CASK: variants seen among roughly 807,000 people sequenced by gnomAD.
CASK encodes peripheral plasma membrane protein CASK.
In CASK, 4 loss-of-function variants were observed where a neutral mutation model predicts 82.9. The ratio of observed to expected loss-of-function variants is 0.05; its 90% CI spans 0.02 to 0.11. CASK has a LOEUF of 0.11. CASK is among the 10% of genes least tolerant of loss of function. CASK has a pLI of 1.00. For synonymous variants in CASK, 259 were observed against 253.5 expected (o/e 1.02, Z -0.20); for missense variants, 358 against 720.9 (o/e 0.50, Z 5.76).
intron 1 of CASK, among the ~76,000 whole-genome samples, chrX:41,874,781 G>T (rs887013223): frequency 8.9e-6 from 1 of 112,319 alleles, no homozygotes; most frequent in African/African-American, 3.2e-5. Flanking sequence ...TTTTGAAAGT[G>T]ATCACTCAGC....
At chrX:41,626,496 C>T (rs1044536962) in intron 10 of CASK, 108 bp downstream of exon 10, 8 of 542,194 alleles carry the variant, frequency 1.5e-5, no homozygotes, top group Non-Finnish European at 2.6e-5. Flanking sequence ...CCTTAGAATC[C>T]GTTGGAGGAT....
intron 2 of CASK, among the ~76,000 whole-genome samples, chrX:41,801,801 C>T (rs2070003486): frequency 9.0e-6 from 1 of 111,385 alleles, no homozygotes; most frequent in Non-Finnish European, 1.9e-5. Flanking sequence ...AACTGAAGTG[C>T]TGTACTCAAA....
chrX:41,567,642 G>A (rs2065339713), intron 16 of CASK, among the ~76,000 whole-genome samples: 1 of 111,795 alleles, frequency 8.9e-6, no homozygotes, highest in South Asian at 3.8e-4. Flanking sequence ...CTGTTGGTGG[G>A]ACTGTAAACT....
chrX:41,649,445 G>A lies in CASK; in HGVS notation c.831+10994C>T, dbSNP rs1001386118. 2.7e-5 allele frequency among the ~76,000 whole-genome samples: 3 copies of A among 111,783 alleles called. No individual in the cohort carries two copies. In the Admixed American group the frequency reaches 2.9e-4, roughly 11 times the overall value. On this transcript the variant is annotated intron_variant, in intron 8 of 26. Coordinates refer to ENST00000378163, the MANE Select transcript of CASK (RefSeq NM_001367721.1). ...CTTTAAATGTGTCCCAGAGATTCTA[G>A]TATGTTGTGTCTTTGTTCTCATTGG...
chrX:41,798,801 C>T (rs750775885), intron 2 of CASK, among the ~76,000 whole-genome samples: 6 of 109,865 alleles, frequency 5.5e-5, no homozygotes, highest in Non-Finnish European at 1.1e-4. Flanking sequence ...TGCCACTGCA[C>T]TCCAGCCTAG....
At chrX:41,814,628 T>C (rs1357183022) in intron 2 of CASK, among the ~76,000 whole-genome samples, 1 of 106,187 alleles carries the variant, frequency 9.4e-6, no homozygotes, top group South Asian at 4.4e-4. Context: ...CATTAGGAGA[T>C]ATACCTAATG....
At chrX:41,922,419 A>G (rs1405485419) in intron 1 of CASK, among the ~76,000 whole-genome samples, 1 of 111,553 alleles carries the variant, frequency 9.0e-6, no homozygotes, top group Non-Finnish European at 1.9e-5. Context: ...GAATTTGCTG[A>G]AACTGAAAGC....
intron 1 of CASK, among the ~76,000 whole-genome samples, chrX:41,876,280 C>T (rs755415853): frequency 9.0e-6 from 1 of 111,229 alleles, no homozygotes; most frequent in Non-Finnish European, 1.9e-5. Flanking sequence ...ATATTTATCC[C>T]CATTTTACAG....
At chrX:41,650,307 G>A (rs1260590606) in intron 8 of CASK, among the ~76,000 whole-genome samples, 2 of 111,316 alleles carry the variant, frequency 1.8e-5, no homozygotes, top group African/African-American at 3.3e-5. Context: ...GATGTTAGCT[G>A]GTTATTTTGC....
At chrX:41,634,898 T>C (rs1466900161) in intron 9 of CASK, among the ~76,000 whole-genome samples, 1 of 112,500 alleles carries the variant, frequency 8.9e-6, no homozygotes, top group Non-Finnish European at 1.9e-5. Flanking sequence ...TTATCATTAA[T>C]AATTATTTTG....
At chrX:41,676,382 T>C in intron 5 of CASK, 14 of 1,199,335 alleles carry the variant, frequency 1.2e-5, no homozygotes, top group Non-Finnish European at 1.6e-5. Flanking sequence ...CCTCTCCTCA[T>C]TGGATAATTC....
At chrX:41,736,121 C>T (rs1050234885) in intron 5 of CASK, among the ~76,000 whole-genome samples, 3 of 112,032 alleles carry the variant, frequency 2.7e-5, no homozygotes, top group African/African-American at 9.7e-5. Context: ...AATACACCAA[C>T]ATTAAAAATT....
chrX:41,833,312 A>G (rs932559475), intron 2 of CASK, among the ~76,000 whole-genome samples: 2 of 112,307 alleles, frequency 1.8e-5, no homozygotes, highest in Non-Finnish European at 3.8e-5. Flanking sequence ...ATTCAGTCAT[A>G]AGAAGGAATA....
At chrX:41,851,944 T>C (rs971967646) in intron 2 of CASK, among the ~76,000 whole-genome samples, 2 of 111,460 alleles carry the variant, frequency 1.8e-5, no homozygotes, top group Non-Finnish European at 3.8e-5. Context: ...AATATAATTT[T>C]GTTCTAAACC....
chrX:41,549,200 G>A (rs996164579), intron 21 of CASK, among the ~76,000 whole-genome samples: 1 of 112,043 alleles, frequency 8.9e-6, no homozygotes, highest in African/African-American at 3.2e-5. Context: ...TTTGATCAAA[G>A]TTTTGGGGGT....
intron 2 of CASK, among the ~76,000 whole-genome samples, chrX:41,831,113 A>G (rs1023376646): frequency 1.8e-5 from 2 of 110,505 alleles, no homozygotes; most frequent in African/African-American, 6.6e-5. Flanking sequence ...AGGTGGTCAG[A>G]GTAAAGCTGT....
At chrX:41,708,429 T>C (rs2067919835) in intron 5 of CASK, among the ~76,000 whole-genome samples, 1 of 112,130 alleles carries the variant, frequency 8.9e-6, no homozygotes, top group African/African-American at 3.2e-5. Context: ...TTTCTACCAC[T>C]AGGATAACTG....
At position 41,622,056 on chromosome X, in the gene CASK, T is replaced by C. The variant is rs1452779428; in HGVS notation, c.1033+561A>G. ...AACTGTGTGTACATTTCTTACATTTTAATTTTCTCCCAAACTCAAATTATG... is the reference window on the plus strand; with the variant it reads ...AACTGTGTGTACATTTCTTACATTTCAATTTTCTCCCAAACTCAAATTATG... On this transcript the variant is annotated intron_variant, in intron 11 of 26. Transcript: ENST00000378163. Among the ~76,000 whole-genome samples the C allele has an allele frequency of 1.1e-4, 12 of 112,397 alleles. No individual in the cohort carries two copies. The Admixed American group carries it at 1.1e-3, about 11-fold the overall frequency.
chrX:41,803,306 C>T (rs1379270584), intron 2 of CASK, among the ~76,000 whole-genome samples: 5 of 111,723 alleles, frequency 4.5e-5, no homozygotes, highest in African/African-American at 9.8e-5. Flanking sequence ...AACAAGCAAT[C>T]GGGCTGGGCA....
Sources: allele counts gnomAD v4.1 joint callset (sites outside exome capture counted in the v4.1 genomes callset), GRCh38; gene constraint gnomAD v4.1.1; transcripts MANE v1.5; gene names NCBI Gene and HGNC (gene_info 2026-07-23, HGNC 2026-07-21).